ZNF415: variants seen among roughly 807,000 people sequenced by gnomAD.
ZNF415 encodes the protein zinc finger protein 415.
In ZNF415, 5 loss-of-function variants were observed where a neutral mutation model predicts 7.3. That is an observed-to-expected ratio of 0.69 (90% CI 0.36 to 1.44). The LOEUF (loss-of-function observed/expected upper bound fraction) is 1.44, where lower values mean the gene tolerates loss of function less well. Among genes scored for constraint, ZNF415 ranks in the 40% most tolerant of loss-of-function variants. The probability of loss-of-function intolerance (pLI) is 0.04; values close to 1 mark genes in which losing one functional copy is unlikely to be tolerated. For missense variants in ZNF415, 628 were observed against 664.8 expected, an observed-to-expected ratio of 0.94 and a Z score of 0.61; for synonymous variants, 207 against 226.3, an observed-to-expected ratio of 0.91 and a Z score of 0.77.
At chr19:53,111,032 A>C (rs560154186) in intron 3 of ZNF415, among the ~76,000 whole-genome samples, 1 of 152,362 alleles carries the variant, frequency 6.6e-6, no homozygotes, top group South Asian at 2.1e-4. Context: ...AATATAATGC[A>C]GTCTCTACGG....
At chr19:53,125,776 A>G (rs1405707066) in intron 1 of ZNF415, among the ~76,000 whole-genome samples, 1 of 151,974 alleles carries the variant, frequency 6.6e-6, no homozygotes, top group Non-Finnish European at 1.5e-5. Context: ...CATCTCTACT[A>G]AAAATACAAA....
At chr19:53,123,208 T>C (rs2088434527) in intron 1 of ZNF415, among the ~76,000 whole-genome samples, 1 of 152,082 alleles carries the variant, frequency 6.6e-6, no homozygotes, top group South Asian at 2.1e-4. Flanking sequence ...AAGAGGTATA[T>C]CTGCAAAGTA....
chr19:53,128,954 C>T (rs74178306), intron 1 of ZNF415, among the ~76,000 whole-genome samples: 44,335 of 113,706 alleles, frequency 0.39, 5,656 homozygotes, highest in Middle Eastern at 0.46. Flanking sequence ...AAATAATCCA[C>T]GCAGAAGAGT....
rs190855011 is a variant in ZNF415 at position 53,122,143 on chromosome 19, C to T, written c.15+519G>A. ...TGCCTGTAATCCCAGCTACTCGGGACGCTGAGGCAGGAGAATCACTTGAAC... is the reference window on the plus strand; with the variant it reads ...TGCCTGTAATCCCAGCTACTCGGGATGCTGAGGCAGGAGAATCACTTGAAC... On this transcript the variant is annotated intron_variant, in intron 2 of 3. Transcript: ENST00000243643. Among the ~76,000 whole-genome samples, 21 of 151,910 alleles carry T rather than the reference C, an allele frequency of 1.4e-4. No individual in the cohort carries two copies. In the East Asian group the frequency reaches 2.9e-3, roughly 21 times the overall value.
intron 2 of ZNF415, among the ~76,000 whole-genome samples, chr19:53,119,343 G>A (rs1320008133): frequency 6.7e-6 from 1 of 149,426 alleles, no homozygotes; most frequent in Non-Finnish European, 1.5e-5. Flanking sequence ...TACTCTGGAG[G>A]CCGAGATGGG....
chr19:53,116,795 T>C (rs979025047), intron 2 of ZNF415, among the ~76,000 whole-genome samples: 2 of 151,762 alleles, frequency 1.3e-5, no homozygotes, highest in Non-Finnish European at 2.9e-5. Context: ...ACTTCAACAA[T>C]GAACTAGGGA....
chr19:53,120,986 A>G (rs938709049), intron 2 of ZNF415, among the ~76,000 whole-genome samples: 1 of 144,680 alleles, frequency 6.9e-6, no homozygotes, highest in Non-Finnish European at 1.5e-5. Flanking sequence ...CAGGAGGCTG[A>G]GGCAGGAGAA....
intron 2 of ZNF415, among the ~76,000 whole-genome samples, chr19:53,118,215 G>C (rs1212464467): frequency 2.6e-5 from 4 of 152,034 alleles, no homozygotes; most frequent in Admixed American, 6.6e-5. Context: ...GATGAAAAAG[G>C]TCATTATATA....
intron 2 of ZNF415, chr19:53,122,372 G>A (rs1387589135): frequency 1.3e-6 from 2 of 1,533,620 alleles, no homozygotes; most frequent in Admixed American, 3.9e-5. Context: ...AATCCCTGCT[G>A]CCCAACAGCA....
chr19:53,127,227 A>G (rs1650969), intron 1 of ZNF415, among the ~76,000 whole-genome samples: 110,194 of 150,552 alleles, frequency 0.73, 40,937 homozygotes, highest in Middle Eastern at 0.83. Context: ...GATTCTTAGG[A>G]TCCCCGTTGC....
intron 2 of ZNF415, among the ~76,000 whole-genome samples, 178 bp from the exon 3 acceptor site, chr19:53,116,611 CTCTT>C (rs140683001): frequency 0.13 from 16,589 of 131,252 alleles, 1,261 homozygotes; most frequent in East Asian, 0.33. Context: ...TTTTTTTTCT[CTCTT>C]TTTTTTTTTT....
In ZNF415 at chr19:53,108,754, G is replaced by T. The variant is rs777629950; in HGVS notation, c.1291C>A (p.Arg431=). 11 of 1,613,888 alleles carry T rather than the reference G, an allele frequency of 6.8e-6. No homozygotes were observed. Among genetic ancestry groups the T allele is most frequent in the Non-Finnish European group, 7.6e-6 (9 of 1,180,010 alleles). Reference sequence around the variant, plus strand: ...GGTTTCTCTCCAGTATGAACTCTCCGATGACTCGCAAGGTGTGAATTGTAA... The same window carrying T: ...GGTTTCTCTCCAGTATGAACTCTCCTATGACTCGCAAGGTGTGAATTGTAA... ...FSYNSHLASH[R]RVHTGEKPYK... The change falls in exon 4 of 4, where the codon CGG becomes AGG. Residue 431 remains arginine, a synonymous_variant. Coordinates refer to ENST00000243643, the MANE Select transcript of ZNF415 (RefSeq NM_018355.4).
rs144759721 is a variant in ZNF415, at chr19:53,123,222, C to T, written c.-67-479G>A. Among the ~76,000 whole-genome samples the T allele has an allele frequency of 3.7e-4, 57 of 152,218 alleles. 1 individual carries two copies. In the East Asian group the frequency reaches 7.0e-3, roughly 19 times the overall value. Reference sequence around the variant, plus strand: ...CAAGAGGTATATCTGCAAAGTACCCCAGCACTTTCATATGAAGCCAGGGGG... The same window carrying T: ...CAAGAGGTATATCTGCAAAGTACCCTAGCACTTTCATATGAAGCCAGGGGG... On this transcript the variant is annotated intron_variant, in intron 1 of 3. Transcript: ENST00000243643.
chr19:53,109,368 T>C lies in ZNF415; in HGVS notation c.677A>G (p.Asn226Ser). The change falls in exon 4 of 4, where the codon AAT becomes AGT. Residue 226 changes from asparagine to serine, a missense_variant. By Grantham distance (46) the Asn-to-Ser change is conservative. Coordinates refer to ENST00000243643, the MANE Select transcript of ZNF415 (RefSeq NM_018355.4). ...YRYIECDKAL[N>S]HGSHMTVRQV... ...ACGTACAGTCATGTGTGAGCCATGA[T>C]TCAAGGCTTTGTCGCACTCAATATA... 6.2e-7 allele frequency: 1 copy of C among 1,614,192 alleles called. No homozygotes were observed. Among genetic ancestry groups the C allele is most frequent in the South Asian group, 1.1e-5 (1 of 91,086 alleles).
rs756343551 is a variant in ZNF415 at position 53,122,672 on chromosome 19, G to T, written c.5C>A (p.Ala2Asp). 3 of 1,614,008 alleles carry T rather than the reference G, an allele frequency of 1.9e-6. No individual in the cohort carries two copies. The African/African-American group carries it at 4.0e-5, about 22-fold the overall frequency. M[A>D]FTQLTFRDVA... is the part of the protein sequence containing the mutation. ...AGAATCTTTCTTTACCTGAGTAAAA[G>T]CCATTCCTGACTCCTTTGCTCTCCT... The change falls in exon 2 of 4, where the codon GCT (alanine) becomes GAT (aspartate). Residue 2 changes from alanine to aspartate, a missense_variant. Coordinates refer to ENST00000243643, the MANE Select transcript of ZNF415 (RefSeq NM_018355.4).
At chr19:53,122,095 A>C (rs2146492699) in intron 2 of ZNF415, among the ~76,000 whole-genome samples, 1 of 151,818 alleles carries the variant, frequency 6.6e-6, no homozygotes, top group Middle Eastern at 3.4e-3. Context: ...AAAAATACAA[A>C]ATTAGCTGGT....
intron 3 of ZNF415, 166 bp downstream of exon 3, chr19:53,116,147 A>G: frequency 1.2e-6 from 1 of 817,906 alleles, no homozygotes; most frequent in Non-Finnish European, 1.9e-6. Flanking sequence ...AAATCTGGAA[A>G]AAGGGGATGG....
intron 3 of ZNF415, 114 bp downstream of exon 3, chr19:53,116,199 G>A: frequency 8.1e-7 from 1 of 1,241,104 alleles, no homozygotes; most frequent in Non-Finnish European, 1.1e-6. Context: ...TCATTTCAGA[G>A]TCAACAAGGC....
At chr19:53,125,188 C>T (rs2088837993) in intron 1 of ZNF415, among the ~76,000 whole-genome samples, 2 of 151,880 alleles carry the variant, frequency 1.3e-5, no homozygotes, top group African/African-American at 4.8e-5. Context: ...GGATTACAGG[C>T]ACATGCCACC....
Sources: allele counts gnomAD v4.1 joint callset (sites outside exome capture counted in the v4.1 genomes callset), GRCh38; gene constraint gnomAD v4.1.1; transcripts MANE v1.5; gene names NCBI Gene and HGNC (gene_info 2026-07-23, HGNC 2026-07-21).